Variants in RNF38 observed in about 807,000 individuals in gnomAD.
RNF38 encodes E3 ubiquitin-protein ligase RNF38.
Under a neutral mutation model 67.2 loss-of-function variants are expected in RNF38, and 15 were observed. The observed-to-expected ratio is 0.22, with a 90% CI of 0.15 to 0.34. The LOEUF (loss-of-function observed/expected upper bound fraction) is 0.34. Among genes scored for constraint, RNF38 ranks in the 10% least tolerant of loss-of-function variants. The probability of loss-of-function intolerance (pLI) is 1.00; values close to 1 mark genes in which losing one functional copy is unlikely to be tolerated. For synonymous variants in RNF38, 220 were observed against 218.8 expected, an observed-to-expected ratio of 1.01 and a Z score of -0.05; for missense variants, 524 against 639.9, an observed-to-expected ratio of 0.82 and a Z score of 1.95.
chr9:36,411,180 T>C (rs1587629763), intron 2 of RNF38, among the ~76,000 whole-genome samples: 2 of 141,068 alleles, frequency 1.4e-5, no homozygotes, highest in South Asian at 2.2e-4. Context: ...AAAAACCTGA[T>C]TAAAAAATGG....
Position 36,460,300 on chromosome 9 carries a change from G to A in RNF38, n.241+27008C>T, listed in dbSNP as rs940896274. On this transcript the variant is annotated intron_variant and non_coding_transcript_variant, in intron 1 of 3. Transcript: ENST00000488058. Reference sequence around the variant, plus strand: ...CTCTCGCATAAGTGACCACAGGAAGGCATAGACTAATTTAAACTTTACACA... The same window carrying A: ...CTCTCGCATAAGTGACCACAGGAAGACATAGACTAATTTAAACTTTACACA... Among the ~76,000 whole-genome samples the A allele has an allele frequency of 5.3e-4, 80 of 152,148 alleles. 1 individual carries two copies. The highest frequency in any genetic ancestry group is 1.9e-3 in the African/African-American group (77 of 41,444).
intron 1 of RNF38, among the ~76,000 whole-genome samples, chr9:36,443,779 A>C (rs1449771587): frequency 6.6e-6 from 1 of 152,236 alleles, no homozygotes; most frequent in Non-Finnish European, 1.5e-5. Flanking sequence ...GACTAATGGG[A>C]ACAGAGGTGC....
chr9:36,376,972 T>TGTTA (rs1835838110), intron 2 of RNF38, among the ~76,000 whole-genome samples: 1 of 151,478 alleles, frequency 6.6e-6, no homozygotes, highest in South Asian at 2.1e-4. Flanking sequence ...ATAAGATTTA[T>TGTTA]GTTAGACAGA....
chr9:36,474,036 G>A (rs1254453472), intron 1 of RNF38, among the ~76,000 whole-genome samples: 1 of 132,512 alleles, frequency 7.5e-6, no homozygotes, highest in Non-Finnish European at 1.6e-5. Context: ...AGCACAGACC[G>A]GGCGCGGTGG....
chr9:36,449,482 C>G (rs1839385421), intron 1 of RNF38, among the ~76,000 whole-genome samples: 1 of 151,818 alleles, frequency 6.6e-6, no homozygotes, highest in Non-Finnish European at 1.5e-5. Flanking sequence ...GTCGCCCAGG[C>G]TGGAGTGCAG....
chr9:36,368,881 CAT>C lies in RNF38; in HGVS notation c.570+836_570+837del, dbSNP rs150681829. On this transcript the variant is annotated intron_variant, in intron 4 of 11. Coordinates refer to ENST00000259605, the MANE Select transcript of RNF38 (RefSeq NM_022781.5). The stretch of plus-strand genomic sequence containing the variant: ...ATTTTTATAAGGACATGCTTAGACA[CAT>C]GTCTTTTTTTTTTTGACCTCAGAAA... 2.5e-3 allele frequency among the ~76,000 whole-genome samples: 384 copies of C among 151,736 alleles called. 3 individuals are homozygous for C. The highest frequency in any genetic ancestry group is 8.5e-3 in the African/African-American group (351 of 41,420).
At chr9:36,434,400 T>C (rs1839013386) in intron 1 of RNF38, among the ~76,000 whole-genome samples, 1 of 151,510 alleles carries the variant, frequency 6.6e-6, no homozygotes, top group Admixed American at 6.6e-5. Context: ...CTTTTATTTT[T>C]TGAGATGGAG....
chr9:36,416,739 G>A (rs1236037567), intron 2 of RNF38, among the ~76,000 whole-genome samples: 6 of 98,454 alleles, frequency 6.1e-5, no homozygotes, highest in South Asian at 3.7e-4. Flanking sequence ...CTGCTGCCTC[G>A]ATATTTTTTT....
intron 1 of RNF38, among the ~76,000 whole-genome samples, chr9:36,455,421 G>A (rs531337195): frequency 6.6e-6 from 1 of 151,982 alleles, no homozygotes; most frequent in Admixed American, 6.6e-5. Context: ...TTAATAGTAA[G>A]CACAACACTA....
At chr9:36,376,238 C>T (rs144387537) in intron 2 of RNF38, 111 bp from the exon 3 acceptor site, 54 of 794,832 alleles carry the variant, frequency 6.8e-5, no homozygotes, top group African/African-American at 5.2e-4. Context: ...AAATGTAAAG[C>T]GGGGAAAAAA....
upstream of RNF38, among the ~76,000 whole-genome samples, chr9:36,402,456 C>T (rs948101705): frequency 1.3e-5 from 2 of 150,528 alleles, no homozygotes; most frequent in African/African-American, 4.9e-5. Flanking sequence ...ACTGTGGATT[C>T]GCCTTCCAAT....
intron 1 of RNF38, among the ~76,000 whole-genome samples, chr9:36,466,001 G>A (rs1418125411): frequency 1.3e-5 from 2 of 152,140 alleles, no homozygotes; most frequent in Admixed American, 6.6e-5. Context: ...GCAGTGAGCC[G>A]AGATCGGGCC....
intron 9 of RNF38, among the ~76,000 whole-genome samples, chr9:36,350,155 T>C (rs938695347): frequency 6.6e-6 from 1 of 152,162 alleles, no homozygotes; most frequent in African/African-American, 2.4e-5. Flanking sequence ...CCTTCCCCCA[T>C]TGTGTTTTCT....
At chr9:36,451,982 C>G (rs1839462735) in intron 1 of RNF38, among the ~76,000 whole-genome samples, 1 of 151,992 alleles carries the variant, frequency 6.6e-6, no homozygotes, top group Non-Finnish European at 1.5e-5. Flanking sequence ...TTTGGGAGGC[C>G]AGGGAGGATG....
intron 1 of RNF38, among the ~76,000 whole-genome samples, chr9:36,472,560 G>T (rs985937484): frequency 2.0e-4 from 30 of 152,130 alleles, no homozygotes; most frequent in African/African-American, 7.0e-4. Context: ...TATTCCAAAA[G>T]TTCATATAAT....
intron 9 of RNF38, among the ~76,000 whole-genome samples, chr9:36,345,938 G>A (rs1275426537): frequency 6.6e-6 from 1 of 152,088 alleles, no homozygotes; most frequent in African/African-American, 2.4e-5. Context: ...AGGGAGATGT[G>A]AATACTTATA....
intron 1 of RNF38, among the ~76,000 whole-genome samples, chr9:36,439,796 A>G (rs905613283): frequency 6.6e-6 from 1 of 151,808 alleles, no homozygotes; most frequent in Non-Finnish European, 1.5e-5. Context: ...GTCTCAAAAA[A>G]AAAAAAAAAA....
intron 3 of RNF38, among the ~76,000 whole-genome samples, chr9:36,370,298 T>G (rs1380787559): frequency 6.6e-6 from 1 of 152,142 alleles, no homozygotes; most frequent in Admixed American, 6.6e-5. Flanking sequence ...AAAACGAACT[T>G]TAATCTGTAG....
chr9:36,383,499 T>G (rs146175282), intron 2 of RNF38, among the ~76,000 whole-genome samples: 1 of 152,208 alleles, frequency 6.6e-6, no homozygotes, highest in Admixed American at 6.5e-5. Flanking sequence ...CTAAATGTGT[T>G]TCTATTAGTG....
Sources: allele counts gnomAD v4.1 joint callset (sites outside exome capture counted in the v4.1 genomes callset), GRCh38; gene constraint gnomAD v4.1.1; transcripts MANE v1.5; gene names NCBI Gene and HGNC (gene_info 2026-07-23, HGNC 2026-07-21).